The following SMC1A variants were observed in gnomAD, a reference collection of about 807,000 sequenced individuals.
SMC1A encodes the protein structural maintenance of chromosomes protein 1A.
Under a neutral mutation model 94.5 loss-of-function variants are expected in SMC1A, and 4 were observed. That is an observed-to-expected ratio of 0.04 (90% CI 0.02 to 0.10). The LOEUF (loss-of-function observed/expected upper bound fraction) is 0.10. Ranked by LOEUF, SMC1A falls within the 10% of genes least tolerant of loss-of-function variation. The pLI, the probability that SMC1A is intolerant of heterozygous loss-of-function variation, is 1.00. For missense variants in SMC1A, 304 were observed against 989.0 expected (o/e 0.31, Z 9.29); for synonymous variants, 345 against 347.7 (o/e 0.99, Z 0.09).
Position 53,378,807 on chromosome X carries a change from C to G in SMC1A, c.*1296G>C, listed in dbSNP as rs2075570398. The G allele has an allele frequency of 8.9e-6, 1 of 112,395 alleles. No homozygotes were observed. The highest frequency in any genetic ancestry group is 9.4e-5 in the Admixed American group (1 of 10,622). 9.3% of individuals were successfully genotyped at this position (112,395 alleles called of 1,213,427 possible). On this transcript the variant is annotated 3_prime_UTR_variant, in exon 25 of 25. Coordinates refer to ENST00000322213, the MANE Select transcript of SMC1A (RefSeq NM_006306.4). The stretch of plus-strand genomic sequence containing the variant: ...ATCCTTATAGCTAATGAGGTTAGTT[C>G]CTAAAATGAACCTCACAGGTGTTAG...
At chrX:53,392,553 C>T (rs997923689) in intron 19 of SMC1A, among the ~76,000 whole-genome samples, 1 of 110,581 alleles carries the variant, frequency 9.0e-6, no homozygotes, top group Non-Finnish European at 1.9e-5. Context: ...TGGGTTCAGG[C>T]GATTCTGCCT....
intron 3 of SMC1A, among the ~76,000 whole-genome samples, chrX:53,414,120 AAAAC>A (rs1224811527): frequency 9.0e-6 from 1 of 110,821 alleles, no homozygotes; most frequent in African/African-American, 3.3e-5. Context: ...ACAAACAAAA[AAAAC>A]AGAGAAAAAG....
At position 53,422,647 on chromosome X, in the gene SMC1A, C is replaced by G. The variant is rs199945193; in HGVS notation, c.-47G>C. On this transcript the variant is annotated 5_prime_UTR_variant, in exon 1 of 25. Coordinates refer to ENST00000322213, the MANE Select transcript of SMC1A (RefSeq NM_006306.4). The stretch of plus-strand genomic sequence containing the variant: ...AGTAGGACAGGCCGCGCCGTACGCC[C>G]GAGAACTGAGGTAGCCCGCGCGGGA... The G allele has an allele frequency of 6.8e-6, 6 of 881,622 alleles. No individual in the cohort carries two copies. The highest frequency in any genetic ancestry group is 1.7e-6 in the Non-Finnish European group (1 of 599,415). The allele number at this position is 881,622 out of a possible 1,213,427, so 72.7% of individuals were successfully genotyped here. A position where few individuals can be genotyped will look rare whatever the true frequency, so the allele number is the denominator to read the frequency against.
At position 53,380,085 on chromosome X, in the gene SMC1A, G is replaced by T; in HGVS notation, c.*18C>A. 1 of 1,148,135 alleles carries T rather than the reference G, an allele frequency of 8.7e-7. No individual in the cohort carries two copies. The highest frequency in any genetic ancestry group is 1.2e-6 in the Non-Finnish European group (1 of 838,665). 94.6% of individuals were successfully genotyped at this position (1,148,135 alleles called of 1,213,427 possible). ...GACAGCTTAGGGATCCAGACAGGGC[G>T]GGAGGGCAAAAATACTGCTACTGCT... On this transcript the variant is annotated 3_prime_UTR_variant, in exon 25 of 25. Transcript: ENST00000322213.
chrX:53,384,944 C>CA (rs1234082894), intron 19 of SMC1A, among the ~76,000 whole-genome samples: 11 of 96,973 alleles, frequency 1.1e-4, no homozygotes, highest in South Asian at 4.4e-4. Context: ...GACCTTGTCT[C>CA]AAAAAAAAAA....
chrX:53,414,852 T>C lies in SMC1A; in HGVS notation c.317A>G (p.Lys106Arg), dbSNP rs782607829. Residue 106 changes from lysine (K) to arginine (R), a missense_variant, in exon 3 of 25, where the codon AAG becomes AGG. Lys to Arg is a conservative substitution (Grantham distance 26). Coordinates refer to ENST00000322213, the MANE Select transcript of SMC1A (RefSeq NM_006306.4). ...RVIVGGSSEY[K>R]INNKVVQLHE... is the part of the protein sequence containing the mutation. ...TAGTTGGACCACTTTGTTGTTGATCTTGTACTCAGAAGAACCTCCTACAAG... is the reference window on the plus strand; with the variant it reads ...TAGTTGGACCACTTTGTTGTTGATCCTGTACTCAGAAGAACCTCCTACAAG... 2.5e-6 allele frequency: 3 copies of C among 1,206,524 alleles called. No individual in the cohort carries two copies. Among genetic ancestry groups the C allele is most frequent in the South Asian group, 1.8e-5 (1 of 56,896 alleles).
At chrX:53,401,433 TAC>T (rs1178528174) in intron 15 of SMC1A, among the ~76,000 whole-genome samples, 1 of 112,517 alleles carries the variant, frequency 8.9e-6, no homozygotes, top group Non-Finnish European at 1.9e-5. Context: ...TTCTAAAATT[TAC>T]ACAAATCTAC....
chrX:53,404,752 G>A lies in SMC1A; in HGVS notation c.2196+260C>T, dbSNP rs67496708. Reference sequence around the variant, plus strand: ...CACAGGTGATCCACCGTGCCCGGCCGAGTAGGTATCATCTTAACTCGCATT... The same window carrying A: ...CACAGGTGATCCACCGTGCCCGGCCAAGTAGGTATCATCTTAACTCGCATT... On this transcript the variant is annotated intron_variant, in intron 13 of 24. Transcript: ENST00000322213. Among the ~76,000 whole-genome samples, 21,536 of 111,001 alleles carry A rather than the reference G, an allele frequency of 0.19. 4,914 individuals carry two copies. The highest frequency in any genetic ancestry group is 0.66 in the African/African-American group (20,008 of 30,242).
rs1556889466 is a variant in SMC1A at position 53,405,075 on chromosome X, C to T, written c.2133G>A (p.Arg711=). Residue 711 remains arginine, a synonymous_variant, in exon 13 of 25, where the codon CGG becomes CGA. Coordinates refer to ENST00000322213, the MANE Select transcript of SMC1A (RefSeq NM_006306.4). ...VQSQAHGLQM[R]LKYSQSDLEQ... is the part of the protein sequence containing the mutation. ...CTAGGTCACTCTGGGAGTACTTGAG[C>T]CGCATCTGCAGTCCATGGGCCTGAG... 8.3e-7 allele frequency: 1 copy of T among 1,206,331 alleles called. No individual in the cohort carries two copies. The highest frequency in any genetic ancestry group is 2.2e-5 in the Admixed American group (1 of 45,363).
chrX:53,394,502 G>A (rs2075642896), intron 19 of SMC1A, among the ~76,000 whole-genome samples: 1 of 111,617 alleles, frequency 9.0e-6, no homozygotes, highest in Admixed American at 9.6e-5. Flanking sequence ...GCTTAGCTTA[G>A]TTATATACAC....
At chrX:53,389,356 C>T (rs1556886867) in intron 19 of SMC1A, among the ~76,000 whole-genome samples, 2 of 111,210 alleles carry the variant, frequency 1.8e-5, no homozygotes, top group African/African-American at 6.5e-5. Flanking sequence ...GATCAATCAT[C>T]TTATTTGACT....
chrX:53,395,502 T>C (rs2075647471), intron 18 of SMC1A, among the ~76,000 whole-genome samples: 1 of 112,137 alleles, frequency 8.9e-6, no homozygotes, highest in Non-Finnish European at 1.9e-5. Flanking sequence ...GGTAATTATG[T>C]CACATGCTAC....
chrX:53,389,910 C>T (rs782371971), intron 19 of SMC1A, among the ~76,000 whole-genome samples: 2 of 81,803 alleles, frequency 2.4e-5, no homozygotes, highest in African/African-American at 5.0e-5. Context: ...AGTGCAATGG[C>T]GTGATCTTGG....
chrX:53,384,775 G>A (rs1186666242), intron 19 of SMC1A, among the ~76,000 whole-genome samples: 5 of 110,447 alleles, frequency 4.5e-5, no homozygotes, highest in African/African-American at 1.6e-4. Flanking sequence ...GGGAGACTCC[G>A]TCTCTACAAA....
In SMC1A at chrX:53,377,874, C is replaced by T. The variant is rs2075565857; in HGVS notation, c.*2229G>A. On this transcript the variant is annotated 3_prime_UTR_variant, in exon 25 of 25. Transcript: ENST00000322213. ...CAGCTAGAATTTGAACCAGGTCTGACCCCCGAATTGTGCTCGTCCATAAAG... is the reference window on the plus strand; with the variant it reads ...CAGCTAGAATTTGAACCAGGTCTGATCCCCGAATTGTGCTCGTCCATAAAG... The T allele has an allele frequency of 8.9e-6, 1 of 112,273 alleles. No homozygotes were observed. The highest frequency in any genetic ancestry group is 1.9e-5 in the Non-Finnish European group (1 of 53,232). The allele number at this position is 112,273 out of a possible 1,213,427, so 9.3% of individuals were successfully genotyped here.
intron 8 of SMC1A, 64 bp downstream of exon 8, chrX:53,409,357 G>T: frequency 8.8e-7 from 1 of 1,142,227 alleles, no homozygotes; most frequent in Non-Finnish European, 1.2e-6. Context: ...CATGAAGAGG[G>T]GCATGTAGGT....
intron 1 of SMC1A, among the ~76,000 whole-genome samples, chrX:53,421,523 C>T (rs781993080): frequency 1.8e-5 from 2 of 111,704 alleles, no homozygotes; most frequent in East Asian, 5.6e-4. Flanking sequence ...AGCAGGATTC[C>T]AAATGGACAT....
At chrX:53,381,137 CAAGGCGGGGTGGG>C in intron 22 of SMC1A, 50 bp from the exon 23 acceptor site, 6 of 399,321 alleles carry the variant, frequency 1.5e-5, no homozygotes, top group Non-Finnish European at 2.8e-5. Flanking sequence ...GAGGGGGTGG[CAAGGCGGGGTGGG>C]ACAGCCCCAG....
intron 15 of SMC1A, among the ~76,000 whole-genome samples, chrX:53,400,093 G>A (rs1477980738): frequency 3.6e-5 from 4 of 111,915 alleles, no homozygotes; most frequent in African/African-American, 1.3e-4. Context: ...AGGCTTCTAT[G>A]TACTTTACAT....
Sources: gnomAD v4.1 joint callset for allele counts (sites outside exome capture counted in the v4.1 genomes callset) on GRCh38, gnomAD v4.1.1 for gene constraint, MANE v1.5 for transcripts, NCBI Gene and HGNC (gene_info 2026-07-23, HGNC 2026-07-21) for gene names.